PALM2AKAP2: variants seen among roughly 807,000 people sequenced by gnomAD.
PALM2AKAP2 encodes PALM2-AKAP2 fusion protein.
A neutral mutation model predicts 71.5 loss-of-function variants in PALM2AKAP2; 37 were observed. That is an observed-to-expected ratio of 0.52 (90% CI 0.40 to 0.68). The LOEUF is 0.68. Among genes scored for constraint, PALM2AKAP2 ranks in the 30% least tolerant of loss-of-function variants. The pLI is 0.00. For synonymous variants in PALM2AKAP2, 468 were observed against 478.8 expected, an observed-to-expected ratio of 0.98 and a Z score of 0.29; for missense variants, 1,224 against 1,191.8, an observed-to-expected ratio of 1.03 and a Z score of -0.40.
At chr9:110,032,739 TAAAA>T (rs1384809079) in intron 7 of PALM2AKAP2, among the ~76,000 whole-genome samples, 8 of 111,662 alleles carry the variant, frequency 7.2e-5, no homozygotes, top group Non-Finnish European at 1.2e-4. Flanking sequence ...AATAAATAAA[TAAAA>T]TAAAAAATAA....
intron 1 of PALM2AKAP2, among the ~76,000 whole-genome samples, chr9:109,814,382 C>T (rs1827801530): frequency 6.6e-6 from 1 of 152,202 alleles, no homozygotes; most frequent in Non-Finnish European, 1.5e-5. Flanking sequence ...CAGGGCGAGA[C>T]ATACTATATG....
intron 1 of PALM2AKAP2, among the ~76,000 whole-genome samples, chr9:109,681,287 C>G (rs2118518014): frequency 6.6e-6 from 1 of 152,238 alleles, no homozygotes; most frequent in South Asian, 2.1e-4. Flanking sequence ...AGAGAGAGCT[C>G]TCATGAATTT....
chr9:110,155,797 G>A (rs1240967167), intron 2 of PALM2AKAP2, among the ~76,000 whole-genome samples: 1 of 152,196 alleles, frequency 6.6e-6, no homozygotes, highest in African/African-American at 2.4e-5. Context: ...TGCACAAAAA[G>A]CCTGGGCAGG....
chr9:109,752,409 T>C (rs1038641299), intron 1 of PALM2AKAP2, among the ~76,000 whole-genome samples: 1 of 152,140 alleles, frequency 6.6e-6, no homozygotes. Context: ...AGTCTGCATT[T>C]CTAAGGAGCT....
chr9:110,136,148 G>A (rs776640386), exon 2 of PALM2AKAP2: 1 of 1,590,686 alleles, frequency 6.3e-7, no homozygotes, highest in Non-Finnish European at 8.5e-7. Context: ...GCTTTCTGAG[G>A]ATGATATCTG....
At chr9:109,867,912 G>A (rs553809326) in intron 2 of PALM2AKAP2, among the ~76,000 whole-genome samples, 10 of 152,286 alleles carry the variant, frequency 6.6e-5, no homozygotes, top group African/African-American at 2.4e-4. Context: ...ATGCATAGGT[G>A]CTGGGTGTGT....
intron 1 of PALM2AKAP2, among the ~76,000 whole-genome samples, chr9:109,842,359 A>C (rs766530182): frequency 1.3e-5 from 2 of 152,240 alleles, no homozygotes; most frequent in Non-Finnish European, 2.9e-5. Context: ...GTCCTCAAAG[A>C]AAGAAGGGAC....
chr9:110,142,874 C>CA (rs1205757279), intron 2 of PALM2AKAP2, among the ~76,000 whole-genome samples: 1 of 152,192 alleles, frequency 6.6e-6, no homozygotes. Flanking sequence ...AGTGAGAAGC[C>CA]AGTGAGAGTT....
exon 4 of PALM2AKAP2, chr9:110,171,213 G>A (rs796585871): frequency 8.5e-5 from 13 of 152,380 alleles, no homozygotes; most frequent in African/African-American, 3.1e-4. Context: ...AATGGCTTTA[G>A]AGGCAGATGA....
At chr9:109,774,057 G>A (rs548995343) in intron 1 of PALM2AKAP2, among the ~76,000 whole-genome samples, 127 of 152,166 alleles carry the variant, frequency 8.3e-4, no homozygotes, top group Non-Finnish European at 1.4e-3. Context: ...TGCCAACCCC[G>A]CAGGAAATTT....
chr9:109,982,096 A>G (rs1389404947), intron 6 of PALM2AKAP2, among the ~76,000 whole-genome samples: 1 of 152,268 alleles, frequency 6.6e-6, no homozygotes, highest in African/African-American at 2.4e-5. Flanking sequence ...GTACGTGTAC[A>G]CAATGGAGTA....
chr9:110,168,518 C>T (rs756483372), exon 4 of PALM2AKAP2: 31 of 1,612,878 alleles, frequency 1.9e-5, no homozygotes, highest in East Asian at 6.7e-5. Flanking sequence ...ACCCAGGAAG[C>T]GTCTTTGGTG....
intron 1 of PALM2AKAP2, among the ~76,000 whole-genome samples, chr9:109,686,909 T>G (rs1827813424): frequency 6.7e-6 from 1 of 148,800 alleles, no homozygotes. Flanking sequence ...TTCCCACCTA[T>G]GAGTGAGAAT....
chr9:109,999,422 C>T (rs937908567), intron 6 of PALM2AKAP2, among the ~76,000 whole-genome samples: 1 of 152,108 alleles, frequency 6.6e-6, no homozygotes, highest in African/African-American at 2.4e-5. Flanking sequence ...TCTCACCACC[C>T]AGACATGGTC....
At chr9:110,076,519 A>ATATATATATATATATATATATG in intron 1 of PALM2AKAP2, among the ~76,000 whole-genome samples, 1 of 144,700 alleles carries the variant, frequency 6.9e-6, no homozygotes, top group African/African-American at 2.7e-5. Context: ...ATAGGTATAT[A>ATATATATATATATATATATATG]TACCTCCAAA....
intron 1 of PALM2AKAP2, among the ~76,000 whole-genome samples, chr9:110,092,714 C>G (rs1834741609): frequency 6.6e-6 from 1 of 152,118 alleles, no homozygotes; most frequent in Non-Finnish European, 1.5e-5. Flanking sequence ...ATTGTGGGAT[C>G]TAGAAATTCA....
intron 3 of PALM2AKAP2, among the ~76,000 whole-genome samples, chr9:109,912,187 T>C (rs1279372764): frequency 6.6e-6 from 1 of 151,650 alleles, no homozygotes; most frequent in East Asian, 1.9e-4. Context: ...CCGAAGAAGT[T>C]TGATGGGGTT....
intron 6 of PALM2AKAP2, among the ~76,000 whole-genome samples, chr9:110,000,988 C>A (rs1214624697): frequency 2.0e-5 from 3 of 152,170 alleles, no homozygotes; most frequent in Admixed American, 1.3e-4. Context: ...ATGGTAGTTT[C>A]TTTTGCTGTG....
At chr9:109,876,388 A>G (rs777022617) in intron 2 of PALM2AKAP2, among the ~76,000 whole-genome samples, 5 of 152,218 alleles carry the variant, frequency 3.3e-5, no homozygotes, top group East Asian at 3.8e-4. Flanking sequence ...TAGAAAATCA[A>G]CTATGCTTTT....
Sources: gnomAD v4.1 joint callset for allele counts (sites outside exome capture counted in the v4.1 genomes callset) on GRCh38, gnomAD v4.1.1 for gene constraint, MANE v1.5 for transcripts, NCBI Gene and HGNC (gene_info 2026-07-23, HGNC 2026-07-21) for gene names.